Variants in CHN1 observed in about 807,000 individuals in gnomAD.
CHN1 encodes the protein N-chimaerin.
A neutral mutation model predicts 59.5 loss-of-function variants in CHN1; 37 were observed. That is an observed-to-expected ratio of 0.62 (90% CI 0.48 to 0.82). The LOEUF (loss-of-function observed/expected upper bound fraction) is 0.82. Ranked by LOEUF, CHN1 falls within the 40% of genes least tolerant of loss-of-function variation. CHN1 has a pLI of 0.00. For synonymous variants in CHN1, 206 were observed against 200.4 expected (o/e 1.03, Z -0.24); for missense variants, 469 against 571.0 (o/e 0.82, Z 1.82).
intron 1 of CHN1, among the ~76,000 whole-genome samples, chr2:174,988,372 A>G (rs1031686855): frequency 1.3e-5 from 2 of 151,840 alleles, no homozygotes. Context: ...AAAAAAAAAA[A>G]AGACCAAATA....
intron 7 of CHN1, among the ~76,000 whole-genome samples, chr2:174,841,492 T>C (rs74641825): frequency 0.016 from 2,423 of 152,302 alleles, 60 homozygotes; most frequent in African/African-American, 0.055. Flanking sequence ...TTTCTCTTCA[T>C]CAGTCCTCTA....
rs540346667 is a variant in CHN1, at chr2:174,973,935, T to C, written c.20-21733A>G. ...AACTAGAAAGCTATATGAAGAAATA[T>C]GTGAATTAAAGTACTACAAGGTATC... On this transcript the variant is annotated intron_variant, in intron 1 of 12. Coordinates refer to ENST00000409900, the MANE Select transcript of CHN1 (RefSeq NM_001822.7). Among the ~76,000 whole-genome samples the C allele has an allele frequency of 3.6e-4, 55 of 152,340 alleles. 1 individual carries two copies. In the South Asian group the frequency reaches 8.9e-3, roughly 25 times the overall value.
At chr2:174,922,403 T>C (rs561029330) in intron 3 of CHN1, among the ~76,000 whole-genome samples, 13 of 152,288 alleles carry the variant, frequency 8.5e-5, no homozygotes, top group African/African-American at 3.1e-4. Context: ...ATTTTTAAAA[T>C]GGGTTAGTCA....
Position 174,944,794 on chromosome 2 carries a change from T to A in CHN1, c.114+94A>T, listed in dbSNP as rs137922226. The A allele has an allele frequency of 4.9e-3, 3,809 of 776,488 alleles. 19 individuals are homozygous for A. Among genetic ancestry groups the A allele is most frequent in the Non-Finnish European group, 6.0e-3 (2,809 of 466,754 alleles). 48.1% of individuals were successfully genotyped at this position (776,488 alleles called of 1,614,324 possible). A position where few individuals can be genotyped will look rare whatever the true frequency, so the allele number is the denominator to read the frequency against. Reference sequence around the variant, plus strand: ...ATCATATCGATTAGTGTTAAGTGGTTAATCTCACAAACAACCAAGCCACTG... The same window carrying A: ...ATCATATCGATTAGTGTTAAGTGGTAAATCTCACAAACAACCAAGCCACTG... On this transcript the variant is annotated intron_variant, in intron 3 of 12. Transcript: ENST00000409900.
chr2:174,932,582 G>A (rs999767220), intron 3 of CHN1, among the ~76,000 whole-genome samples: 2 of 152,184 alleles, frequency 1.3e-5, no homozygotes, highest in Non-Finnish European at 2.9e-5. Context: ...TTAGTGATAT[G>A]GTTTAGATCT....
intron 5 of CHN1, among the ~76,000 whole-genome samples, chr2:174,896,187 A>T (rs2105351595): frequency 6.6e-6 from 1 of 152,244 alleles, no homozygotes; most frequent in South Asian, 2.1e-4. Flanking sequence ...TAGTATAAAG[A>T]GCCTGGTTTG....
intron 5 of CHN1, among the ~76,000 whole-genome samples, chr2:174,900,837 G>A (rs548404736): frequency 6.6e-6 from 1 of 151,784 alleles, no homozygotes; most frequent in Non-Finnish European, 1.5e-5. Context: ...CAAATATCTT[G>A]TGGAGGTGTG....
Position 174,809,157 on chromosome 2 carries a change from TA to T in CHN1, c.965-116del, listed in dbSNP as rs555878429. The T allele has an allele frequency of 4.6e-4, 462 of 999,834 alleles. 3 individuals carry two copies. In the South Asian group the frequency reaches 8.1e-3, roughly 18 times the overall value. The allele number at this position is 999,834 out of a possible 1,614,324, so 61.9% of individuals were successfully genotyped here. ...TAAAGATTAGCAATTCTTCAGTTTT[TA>T]ACGTAAAATTTAGTGTGCTACGTTA... On this transcript the variant is annotated intron_variant, in intron 10 of 12. Transcript: ENST00000409900.
At chr2:174,875,298 A>G (rs999560136) in intron 6 of CHN1, among the ~76,000 whole-genome samples, 1 of 152,242 alleles carries the variant, frequency 6.6e-6, no homozygotes, top group African/African-American at 2.4e-5. Context: ...ATCTCATATG[A>G]AGAAACTGAA....
Position 175,005,185 on chromosome 2 carries a change from C to G in CHN1, c.-273G>C. On this transcript the variant is annotated 5_prime_UTR_variant, in exon 1 of 13. Transcript: ENST00000409900. ...CTTGTCGCTGCCATCAGGCGCGGAG[C>G]GTGCGCGCGGGAGGAGGTACCTGCG... The G allele has an allele frequency of 8.0e-7, 1 of 1,253,818 alleles. No homozygotes were observed. Among genetic ancestry groups the G allele is most frequent in the African/African-American group, 1.6e-5 (1 of 62,928 alleles). The allele number at this position is 1,253,818 out of a possible 1,614,324, so 77.7% of individuals were successfully genotyped here.
intron 6 of CHN1, among the ~76,000 whole-genome samples, chr2:174,851,286 A>G (rs1686720183): frequency 6.6e-6 from 1 of 151,970 alleles, no homozygotes; most frequent in African/African-American, 2.4e-5. Flanking sequence ...GATCCTGCCC[A>G]TCCTTTTTTT....
At chr2:174,857,498 G>A (rs1216023394) in intron 6 of CHN1, among the ~76,000 whole-genome samples, 2 of 151,996 alleles carry the variant, frequency 1.3e-5, no homozygotes, top group African/African-American at 4.8e-5. Context: ...AACGGAACAT[G>A]TCCTTATTCT....
At chr2:174,868,533 T>C (rs1184514575) in intron 6 of CHN1, among the ~76,000 whole-genome samples, 1 of 152,180 alleles carries the variant, frequency 6.6e-6, no homozygotes, top group Non-Finnish European at 1.5e-5. Context: ...TAAACTAATA[T>C]GCAAATAATT....
chr2:174,968,145 T>C (rs1034111085), intron 1 of CHN1, among the ~76,000 whole-genome samples: 4 of 152,192 alleles, frequency 2.6e-5, no homozygotes, highest in African/African-American at 7.2e-5. Context: ...CATGAAACTA[T>C]TGGGAAAAGA....
chr2:174,808,896 C>A lies in CHN1; in HGVS notation c.1102+9G>T. ...TCAGGTTATTTGAAATACATGCATT[C>A]ATACTTACTGGCAGATTCTATAAAC... On this transcript the variant is annotated intron_variant, in intron 11 of 12. Coordinates refer to ENST00000409900, the MANE Select transcript of CHN1 (RefSeq NM_001822.7). The A allele has an allele frequency of 6.2e-7, 1 of 1,613,452 alleles. No homozygotes were observed.
At chr2:174,819,785 G>A (rs1265828940) in intron 8 of CHN1, among the ~76,000 whole-genome samples, 1 of 148,796 alleles carries the variant, frequency 6.7e-6, no homozygotes, top group Non-Finnish European at 1.5e-5. Flanking sequence ...TTTAGCATTA[G>A]GTATATCTCC....
At chr2:174,846,691 G>C (rs1276763763) in intron 7 of CHN1, among the ~76,000 whole-genome samples, 189 bp downstream of exon 7, 2 of 152,046 alleles carry the variant, frequency 1.3e-5, no homozygotes, top group African/African-American at 2.4e-5. Context: ...AGAAAAACAG[G>C]GTTGGATTTC....
At chr2:174,954,100 G>A (rs1690112713) in intron 1 of CHN1, among the ~76,000 whole-genome samples, 1 of 152,136 alleles carries the variant, frequency 6.6e-6, no homozygotes, top group South Asian at 2.1e-4. Context: ...TAAGGATATG[G>A]ACCAGTGAAA....
intron 3 of CHN1, among the ~76,000 whole-genome samples, chr2:174,938,119 C>T (rs1689552164): frequency 6.6e-6 from 1 of 152,142 alleles, no homozygotes; most frequent in Admixed American, 6.5e-5. Flanking sequence ...GCTGGAATTA[C>T]AGGTGCACAC....
Sources: gnomAD v4.1 joint callset for allele counts (sites outside exome capture counted in the v4.1 genomes callset) on GRCh38, gnomAD v4.1.1 for gene constraint, MANE v1.5 for transcripts, NCBI Gene and HGNC (gene_info 2026-07-23, HGNC 2026-07-21) for gene names.